Variants in GLRB observed in about 807,000 individuals in gnomAD.
GLRB encodes glycine receptor subunit beta.
GLRB carries 33 observed loss-of-function variants against 54.2 expected under a neutral mutation model. The observed-to-expected ratio is 0.61, with a 90% CI of 0.46 to 0.81. The LOEUF (loss-of-function observed/expected upper bound fraction) is 0.81. Ranked by LOEUF, GLRB falls within the 40% of genes least tolerant of loss-of-function variation. The pLI is 0.00. For missense variants in GLRB, 572 were observed against 584.6 expected (o/e 0.98, Z 0.22); for synonymous variants, 209 against 208.2 (o/e 1.00, Z -0.03).
At chr4:157,166,505 C>T (rs943859996) in intron 9 of GLRB, among the ~76,000 whole-genome samples, 1 of 151,992 alleles carries the variant, frequency 6.6e-6, no homozygotes, top group Non-Finnish European at 1.5e-5. Context: ...GACTAGCCAA[C>T]TACTTAATGA....
At chr4:157,102,392 T>C (rs1735065201) in intron 2 of GLRB, among the ~76,000 whole-genome samples, 1 of 152,194 alleles carries the variant, frequency 6.6e-6, no homozygotes, top group African/African-American at 2.4e-5. Flanking sequence ...TCCGCTTCTA[T>C]AGGTTTGACT....
chr4:157,153,662 A>G (rs926711234), intron 9 of GLRB, among the ~76,000 whole-genome samples: 1 of 152,096 alleles, frequency 6.6e-6, no homozygotes, highest in African/African-American at 2.4e-5. Flanking sequence ...GCAATGGTAA[A>G]TTTCAACGTG....
At chr4:157,160,961 G>T (rs914573828) in intron 9 of GLRB, among the ~76,000 whole-genome samples, 1 of 152,132 alleles carries the variant, frequency 6.6e-6, no homozygotes, top group Non-Finnish European at 1.5e-5. Context: ...TATTATGTGG[G>T]AGTCTAAGTC....
chr4:157,100,686 A>T (rs901178370), intron 2 of GLRB, among the ~76,000 whole-genome samples: 2 of 151,574 alleles, frequency 1.3e-5, no homozygotes, highest in Non-Finnish European at 2.9e-5. Flanking sequence ...ACATTAAATT[A>T]AAAAAAAACA....
chr4:157,129,816 A>T (rs926293923), intron 4 of GLRB, among the ~76,000 whole-genome samples: 1 of 151,530 alleles, frequency 6.6e-6, no homozygotes, highest in African/African-American at 2.4e-5. Context: ...AGTTTAGGAG[A>T]TGCTAAAAAA....
intron 4 of GLRB, among the ~76,000 whole-genome samples, chr4:157,127,435 A>T (rs1195787948): frequency 1.3e-5 from 2 of 151,844 alleles, no homozygotes; most frequent in African/African-American, 4.8e-5. Flanking sequence ...GGCCCCCTAA[A>T]GATGTTCATG....
chr4:157,142,983 T>C (rs1736673286), intron 7 of GLRB, among the ~76,000 whole-genome samples: 1 of 152,156 alleles, frequency 6.6e-6, no homozygotes, highest in Non-Finnish European at 1.5e-5. Flanking sequence ...TGTGAGCATA[T>C]TCGTGTTACT....
intron 4 of GLRB, among the ~76,000 whole-genome samples, chr4:157,133,772 T>C (rs1409660358): frequency 6.6e-6 from 1 of 152,004 alleles, no homozygotes; most frequent in Admixed American, 6.6e-5. Context: ...CTTCTGCTGA[T>C]TAAAATGCTT....
chr4:157,118,006 A>G (rs577708389), intron 2 of GLRB, among the ~76,000 whole-genome samples: 9 of 151,818 alleles, frequency 5.9e-5, no homozygotes, highest in South Asian at 4.1e-4. Flanking sequence ...TTAGATTAGT[A>G]CAATAAAGAA....
At chr4:157,081,992 C>T (rs942183550) in intron 2 of GLRB, among the ~76,000 whole-genome samples, 5 of 152,156 alleles carry the variant, frequency 3.3e-5, no homozygotes, top group East Asian at 3.9e-4. Flanking sequence ...CTCATATACC[C>T]GTGCTCTTTC....
intron 2 of GLRB, among the ~76,000 whole-genome samples, chr4:157,101,519 T>C (rs1402886105): frequency 6.6e-6 from 1 of 152,078 alleles, no homozygotes; most frequent in Non-Finnish European, 1.5e-5. Flanking sequence ...TTCACTCCAC[T>C]TCTCCCCTCC....
At chr4:157,128,758 T>C (rs909940589) in intron 4 of GLRB, among the ~76,000 whole-genome samples, 2 of 151,852 alleles carry the variant, frequency 1.3e-5, no homozygotes, top group Non-Finnish European at 2.9e-5. Flanking sequence ...ATCACTACTA[T>C]ATAACCTAAG....
intron 2 of GLRB, among the ~76,000 whole-genome samples, chr4:157,087,856 C>T (rs1415517398): frequency 6.6e-6 from 1 of 151,796 alleles, no homozygotes; most frequent in Non-Finnish European, 1.5e-5. Flanking sequence ...GCAAAAGTCT[C>T]CTATATTTTC....
At chr4:157,113,236 G>A (rs756831717) in intron 2 of GLRB, among the ~76,000 whole-genome samples, 1 of 151,772 alleles carries the variant, frequency 6.6e-6, no homozygotes, top group African/African-American at 2.4e-5. Context: ...AAGTATCATC[G>A]CAGTTGGTTG....
chr4:157,107,440 G>A (rs1217039588), intron 2 of GLRB, among the ~76,000 whole-genome samples: 1 of 152,108 alleles, frequency 6.6e-6, no homozygotes, highest in Admixed American at 6.6e-5. Flanking sequence ...CATTCTCATA[G>A]CACATGAATG....
At chr4:157,139,359 G>A (rs1242970387) in intron 7 of GLRB, among the ~76,000 whole-genome samples, 3 of 151,974 alleles carry the variant, frequency 2.0e-5, no homozygotes, top group Non-Finnish European at 4.4e-5. Flanking sequence ...ATGGTGGTTG[G>A]CCCATATTCT....
intron 2 of GLRB, among the ~76,000 whole-genome samples, chr4:157,089,955 T>G (rs916808309): frequency 4.6e-5 from 7 of 152,194 alleles, no homozygotes; most frequent in Admixed American, 3.3e-4. Context: ...AATTACTCAT[T>G]CTGTTGATGG....
intron 9 of GLRB, among the ~76,000 whole-genome samples, chr4:157,167,352 C>T (rs1737749078): frequency 6.6e-6 from 1 of 152,154 alleles, no homozygotes; most frequent in Non-Finnish European, 1.5e-5. Context: ...TTCACTGATA[C>T]ATGTGGAGAC....
chr4:157,161,324 A>T (rs959418108), intron 9 of GLRB, among the ~76,000 whole-genome samples: 1 of 152,278 alleles, frequency 6.6e-6, no homozygotes, highest in Admixed American at 6.5e-5. Flanking sequence ...CATTTAGCCC[A>T]TTTACATTTA....
Sources: gnomAD v4.1 joint callset for allele counts (sites outside exome capture counted in the v4.1 genomes callset) on GRCh38, gnomAD v4.1.1 for gene constraint, MANE v1.5 for transcripts, NCBI Gene and HGNC (gene_info 2026-07-23, HGNC 2026-07-21) for gene names.